Variants in CSRNP3 observed in about 807,000 individuals in gnomAD.
CSRNP3 encodes cysteine and serine rich nuclear protein 3.
A neutral mutation model predicts 48.0 loss-of-function variants in CSRNP3; 12 were observed. The ratio of observed to expected loss-of-function variants is 0.25; its 90% confidence interval spans 0.16 to 0.41. CSRNP3 has a LOEUF of 0.41. Ranked by LOEUF, CSRNP3 falls within the 10% of genes least tolerant of loss-of-function variation. The pLI is 1.00. For synonymous variants in CSRNP3, 263 were observed against 269.7 expected (o/e 0.98, Z 0.24); for missense variants, 580 against 724.4 (o/e 0.80, Z 2.29).
chr2:165,570,139 A>T (rs1047269814), intron 3 of CSRNP3, among the ~76,000 whole-genome samples: 3 of 152,110 alleles, frequency 2.0e-5, no homozygotes, highest in African/African-American at 7.2e-5. Context: ...TGGTGTGCAG[A>T]CTTGAAAACT....
intron 4 of CSRNP3, among the ~76,000 whole-genome samples, chr2:165,619,194 A>G (rs1463383843): frequency 1.3e-5 from 2 of 152,168 alleles, no homozygotes; most frequent in Admixed American, 6.5e-5. Flanking sequence ...AAATACTTTT[A>G]CCTATGATTG....
chr2:165,553,943 T>C (rs1219199151), intron 3 of CSRNP3, among the ~76,000 whole-genome samples: 2 of 152,206 alleles, frequency 1.3e-5, no homozygotes, highest in African/African-American at 4.8e-5. Flanking sequence ...TTCTTACCCA[T>C]CTGCTTAGCA....
intron 3 of CSRNP3, among the ~76,000 whole-genome samples, chr2:165,519,173 TTC>T (rs77595149): frequency 0.12 from 18,110 of 152,060 alleles, 1,345 homozygotes; most frequent in East Asian, 0.37. Context: ...AAATATGAGA[TTC>T]TAGGAATGAA....
intron 3 of CSRNP3, chr2:165,574,311 GA>G (rs775253960): frequency 8.1e-6 from 12 of 1,479,276 alleles, no homozygotes; most frequent in Admixed American, 4.0e-5. Flanking sequence ...TCAGTTGCCT[GA>G]AAAAAATGTA....
rs1052683736 is a variant in CSRNP3, at chr2:165,688,059, G to T, written c.*8306G>T. Reference sequence around the variant, plus strand: ...TTTTTTATTTAAAAAAAAAAAAAAGGCTAATGCTATAGAATGATCATGTAA... The same window carrying T: ...TTTTTTATTTAAAAAAAAAAAAAAGTCTAATGCTATAGAATGATCATGTAA... On this transcript the variant is annotated 3_prime_UTR_variant, in exon 7 of 7. Coordinates refer to ENST00000651982, the MANE Select transcript of CSRNP3 (RefSeq NM_001172173.2). 1 of 149,282 alleles carries T rather than the reference G, an allele frequency of 6.7e-6. No homozygotes were observed. Among genetic ancestry groups the T allele is most frequent in the African/African-American group, 2.5e-5 (1 of 40,354 alleles). The allele number at this position is 149,282 out of a possible 1,614,324, so 9.2% of individuals were successfully genotyped here.
At chr2:165,666,614 G>GAA (rs555435988) in intron 5 of CSRNP3, among the ~76,000 whole-genome samples, 1 of 84,714 alleles carries the variant, frequency 1.2e-5, no homozygotes, top group Non-Finnish European at 2.6e-5. Flanking sequence ...GATGAAGAAA[G>GAA]AGAGAAAGGA....
At chr2:165,536,091 A>G (rs1684878181) in intron 3 of CSRNP3, among the ~76,000 whole-genome samples, 1 of 151,942 alleles carries the variant, frequency 6.6e-6, no homozygotes, top group Non-Finnish European at 1.5e-5. Context: ...TTTGAACTCC[A>G]AGCTATATGC....
chr2:165,527,987 G>A (rs1490815896), intron 3 of CSRNP3, among the ~76,000 whole-genome samples: 2 of 151,880 alleles, frequency 1.3e-5, no homozygotes, highest in African/African-American at 4.8e-5. Flanking sequence ...AGAGAAAGGA[G>A]AGGGAGAGGA....
chr2:165,586,151 A>G (rs745868334), intron 3 of CSRNP3, among the ~76,000 whole-genome samples: 3 of 152,210 alleles, frequency 2.0e-5, no homozygotes, highest in Admixed American at 2.0e-4. Flanking sequence ...ATTTCTTCCT[A>G]CATCAGTGGT....
At chr2:165,631,410 A>G (rs1458088907) in intron 4 of CSRNP3, among the ~76,000 whole-genome samples, 2 of 152,220 alleles carry the variant, frequency 1.3e-5, no homozygotes, top group South Asian at 2.1e-4. Flanking sequence ...TTTGGTGGGA[A>G]CAAGACCGAT....
At chr2:165,508,441 A>T (rs1328446031) in intron 2 of CSRNP3, among the ~76,000 whole-genome samples, 3 of 151,960 alleles carry the variant, frequency 2.0e-5, no homozygotes, top group Admixed American at 6.6e-5. Flanking sequence ...CATACCACAG[A>T]CTTCGTTTAA....
intron 3 of CSRNP3, among the ~76,000 whole-genome samples, chr2:165,536,855 T>G (rs1314845776): frequency 6.6e-6 from 1 of 151,858 alleles, no homozygotes; most frequent in Admixed American, 6.6e-5. Context: ...GTGTTTTCAA[T>G]TAAATAGATG....
intron 1 of CSRNP3, among the ~76,000 whole-genome samples, chr2:165,478,197 G>A (rs921959697): frequency 3.3e-5 from 5 of 152,160 alleles, no homozygotes; most frequent in African/African-American, 9.7e-5. Context: ...TTTTAAGACA[G>A]ATGTATATCT....
intron 3 of CSRNP3, among the ~76,000 whole-genome samples, chr2:165,521,114 G>A (rs1684655661): frequency 6.6e-6 from 1 of 150,724 alleles, no homozygotes; most frequent in Admixed American, 6.6e-5. Flanking sequence ...AAGAATTGAT[G>A]GTCAGCTCTG....
chr2:165,477,466 A>AAT lies in CSRNP3; in HGVS notation c.-283+7739_-283+7740dup, dbSNP rs34169125. Among the ~76,000 whole-genome samples the AAT allele has an allele frequency of 3.0e-4, 39 of 131,100 alleles. 1 individual carries two copies. Among genetic ancestry groups the AAT allele is most frequent in the Admixed American group, 9.7e-4 (12 of 12,346 alleles). The allele number at this position is 131,100 out of a possible 152,430, so 86.0% of individuals were successfully genotyped here. Reference sequence around the variant, plus strand: ...AAATCTCGTCCCTACTAAAAATACAAATATATATATATATGAAATATATAT... The same window carrying AAT: ...AAATCTCGTCCCTACTAAAAATACAAATATATATATATATATGAAATATATAT... On this transcript the variant is annotated intron_variant, in intron 1 of 6. Transcript: ENST00000651982.
Position 165,494,746 on chromosome 2 carries a change from G to A in CSRNP3, c.-282-13G>A, listed in dbSNP as rs531208300. 2.0e-5 allele frequency: 4 copies of A among 196,050 alleles called. No individual in the cohort carries two copies. The East Asian group carries it at 4.8e-4, about 23-fold the overall frequency. The allele number at this position is 196,050 out of a possible 1,614,324, so 12.1% of individuals were successfully genotyped here. The stretch of plus-strand genomic sequence containing the variant: ...AATATTTCAATGCTTCATTGCTCCT[G>A]TTCCTGTTACAGGTACATGTGACAG... On this transcript the variant is annotated splice_polypyrimidine_tract_variant and intron_variant, in intron 1 of 6. Coordinates refer to ENST00000651982, the MANE Select transcript of CSRNP3 (RefSeq NM_001172173.2).
intron 1 of CSRNP3, among the ~76,000 whole-genome samples, chr2:165,494,382 T>A (rs1487650820): frequency 6.6e-6 from 1 of 152,050 alleles, no homozygotes; most frequent in African/African-American, 2.4e-5. Context: ...AGCATGCAAG[T>A]GAGTGATCTA....
At chr2:165,581,699 G>T (rs999927428) in intron 3 of CSRNP3, among the ~76,000 whole-genome samples, 9 of 152,130 alleles carry the variant, frequency 5.9e-5, no homozygotes, top group African/African-American at 2.2e-4. Flanking sequence ...ACCATGCCCA[G>T]CTAATTTTTG....
chr2:165,536,194 T>A (rs1558927966), intron 3 of CSRNP3, among the ~76,000 whole-genome samples: 1 of 151,948 alleles, frequency 6.6e-6, no homozygotes, highest in Non-Finnish European at 1.5e-5. Context: ...TTTTTCAGTT[T>A]AAATATAATA....
Sources: allele counts gnomAD v4.1 joint callset (sites outside exome capture counted in the v4.1 genomes callset), GRCh38; gene constraint gnomAD v4.1.1; transcripts MANE v1.5; gene names NCBI Gene and HGNC (gene_info 2026-07-23, HGNC 2026-07-21).